The following ITPR1 variants were observed in gnomAD, a reference collection of about 807,000 sequenced individuals.
ITPR1 encodes inositol 1,4,5-trisphosphate-gated calcium channel ITPR1.
ITPR1 carries 96 observed loss-of-function variants against 318.4 expected under a neutral mutation model. The observed-to-expected ratio is 0.30, with a 90% CI of 0.26 to 0.36. ITPR1 has a LOEUF of 0.36. Among genes scored for constraint, ITPR1 ranks in the 10% least tolerant of loss-of-function variants. ITPR1 has a pLI of 1.00. For missense variants in ITPR1, 2,440 were observed against 3,460.2 expected (o/e 0.71, Z 7.40); for synonymous variants, 1,312 against 1,289.9 (o/e 1.02, Z -0.37).
chr3:4,602,534 A>G (rs1221289367), intron 4 of ITPR1, among the ~76,000 whole-genome samples: 4 of 94,450 alleles, frequency 4.2e-5, no homozygotes, highest in South Asian at 5.5e-4. Flanking sequence ...CTCAGAAAAA[A>G]AAAAAAAAAA....
intron 32 of ITPR1, 86 bp downstream of exon 32, chr3:4,691,430 C>T: frequency 1.1e-6 from 1 of 892,438 alleles, no homozygotes; most frequent in Non-Finnish European, 1.8e-6. Context: ...TGAACTTGCA[C>T]CCTCTTCAGG....
At chr3:4,829,107 C>T (rs180713340) in intron 60 of ITPR1, among the ~76,000 whole-genome samples, 16 of 152,268 alleles carry the variant, frequency 1.1e-4, no homozygotes, top group African/African-American at 3.9e-4. Context: ...TTTTTATAGC[C>T]ATCTGATCCT....
intron 51 of ITPR1, among the ~76,000 whole-genome samples, chr3:4,784,605 G>C (rs1384860074): frequency 4.6e-5 from 7 of 150,856 alleles, no homozygotes; most frequent in Non-Finnish European, 1.0e-4. Flanking sequence ...ATGTGGCTGG[G>C]CACAGTGGCT....
chr3:4,840,518 G>A (rs984551133), intron 61 of ITPR1, among the ~76,000 whole-genome samples: 4 of 152,096 alleles, frequency 2.6e-5, no homozygotes, highest in African/African-American at 7.2e-5. Context: ...CAGCAGACTC[G>A]AGCAACGATA....
intron 2 of ITPR1, among the ~76,000 whole-genome samples, chr3:4,505,814 G>A (rs1037010331): frequency 1.3e-5 from 2 of 152,162 alleles, no homozygotes; most frequent in African/African-American, 4.8e-5. Context: ...AGGAATAGTG[G>A]GGAAAACATT....
intron 34 of ITPR1, 24 bp from the exon 35 acceptor site, chr3:4,699,789 T>C: frequency 5.0e-6 from 8 of 1,612,742 alleles, no homozygotes; most frequent in Non-Finnish European, 6.8e-6. Flanking sequence ...GGTGTAATGC[T>C]TAACATACCC....
At chr3:4,642,749 C>G (rs1446426023) in intron 7 of ITPR1, among the ~76,000 whole-genome samples, 1 of 152,140 alleles carries the variant, frequency 6.6e-6, no homozygotes, top group Non-Finnish European at 1.5e-5. Flanking sequence ...TGGAGCAGGG[C>G]CCACTCCTGA....
rs2094756568 is a variant in ITPR1, at chr3:4,706,358, CCT to C, written c.4842+8_4842+9del. On this transcript the variant is annotated splice_region_variant and intron_variant, in intron 37 of 61. Transcript: ENST00000649015. The stretch of plus-strand genomic sequence containing the variant: ...TATCATTGAGAGATTGCAGGTAATG[CCT>C]GGTGTTGAGAGAAGTGATGCTTAGC... 1.3e-6 allele frequency: 2 copies of C among 1,599,980 alleles called. No homozygotes were observed. Among genetic ancestry groups the C allele is most frequent in the African/African-American group, 2.7e-5 (2 of 74,856 alleles).
chr3:4,534,611 A>T (rs1193541253), intron 4 of ITPR1, among the ~76,000 whole-genome samples: 1 of 152,236 alleles, frequency 6.6e-6, no homozygotes, highest in African/African-American at 2.4e-5. Context: ...TTGGGCAATT[A>T]TTCCTCTAAC....
rs2051813647 is a variant in ITPR1 at position 4,846,823 on chromosome 3, T to G, written c.*598T>G. ...TAGTGCCTCCGTCTCCTAGTGATAA[T>G]GCTCCAAGTCTATGAACTGTTAAAT... is the stretch of plus-strand genomic sequence containing the variant. On this transcript the variant is annotated 3_prime_UTR_variant, in exon 62 of 62. Transcript: ENST00000649015. The G allele has an allele frequency of 6.6e-6, 1 of 152,650 alleles. No individual in the cohort carries two copies. The highest frequency in any genetic ancestry group is 1.5e-5 in the Non-Finnish European group (1 of 68,042). 9.5% of individuals were successfully genotyped at this position (152,650 alleles called of 1,614,324 possible).
intron 4 of ITPR1, among the ~76,000 whole-genome samples, chr3:4,614,667 C>T (rs948581545): frequency 7.2e-5 from 11 of 152,176 alleles, no homozygotes; most frequent in Non-Finnish European, 7.3e-5. Context: ...TTCTGCTAGA[C>T]GCATGACATG....
At chr3:4,690,098 G>A (rs925853607) in intron 31 of ITPR1, among the ~76,000 whole-genome samples, 1 of 152,192 alleles carries the variant, frequency 6.6e-6, no homozygotes, top group Admixed American at 6.5e-5. Context: ...CCAACATGGT[G>A]AAACCTTATC....
At chr3:4,590,916 GT>G (rs2090346815) in intron 4 of ITPR1, among the ~76,000 whole-genome samples, 1 of 152,018 alleles carries the variant, frequency 6.6e-6, no homozygotes, top group African/African-American at 2.4e-5. Context: ...GGTGTCTGTT[GT>G]TTCCTTGTGT....
chr3:4,702,997 C>T (rs1246372740), intron 36 of ITPR1, 47 bp downstream of exon 36: 1 of 1,592,064 alleles, frequency 6.3e-7, no homozygotes, highest in Non-Finnish European at 8.6e-7. Flanking sequence ...AATGAATTGT[C>T]TGACAGTAGT....
chr3:4,608,019 G>C (rs766241079), intron 4 of ITPR1, among the ~76,000 whole-genome samples: 1 of 152,076 alleles, frequency 6.6e-6, no homozygotes, highest in Non-Finnish European at 1.5e-5. Context: ...GGGAAGGGCT[G>C]TTATCATTTA....
intron 60 of ITPR1, among the ~76,000 whole-genome samples, chr3:4,819,597 C>A (rs1407372810): frequency 6.6e-6 from 1 of 152,180 alleles, no homozygotes; most frequent in Non-Finnish European, 1.5e-5. Context: ...TATTCCTAAT[C>A]CTTTACATAC....
At chr3:4,699,978 T>C in intron 35 of ITPR1, 37 bp downstream of exon 35, 1 of 1,596,780 alleles carries the variant, frequency 6.3e-7, no homozygotes, top group Non-Finnish European at 8.6e-7. Flanking sequence ...ATGTTCACGA[T>C]ACACCTTCTG....
chr3:4,524,309 T>TTTG (rs1159988212), intron 4 of ITPR1, among the ~76,000 whole-genome samples: 1 of 149,628 alleles, frequency 6.7e-6, no homozygotes, highest in East Asian at 1.9e-4. Context: ...ACGTTTTTTT[T>TTTG]TTTTTTTTTT....
chr3:4,736,599 G>C (rs564037601), intron 44 of ITPR1, among the ~76,000 whole-genome samples: 5 of 152,352 alleles, frequency 3.3e-5, no homozygotes, highest in Admixed American at 6.5e-5. Context: ...TGAGGCACCT[G>C]GGCCAGTGGC....
Sources: gnomAD v4.1 joint callset for allele counts (sites outside exome capture counted in the v4.1 genomes callset) on GRCh38, gnomAD v4.1.1 for gene constraint, MANE v1.5 for transcripts, NCBI Gene and HGNC (gene_info 2026-07-23, HGNC 2026-07-21) for gene names.